The following MATCAP2 variants were observed in gnomAD, a reference collection of about 807,000 sequenced individuals.
MATCAP2 encodes the protein putative tyrosine carboxypeptidase MATCAP2.
At chr7:36,380,714 T>C in the MATCAP2 span, among the ~76,000 whole-genome samples, 12 of 152,208 alleles carry the variant, frequency 7.9e-5, no homozygotes, top group African/African-American at 2.9e-4. Context: ...TTAGGTGATC[T>C]ATAAATTCTC....
At chr7:36,377,850 T>A in the MATCAP2 span, among the ~76,000 whole-genome samples, 3 of 152,226 alleles carry the variant, frequency 2.0e-5, no homozygotes, top group Admixed American at 2.0e-4. Context: ...TTTCATTCAT[T>A]TGATCTTCAA....
At chr7:36,326,821 T>G in the MATCAP2 span, 1 of 1,614,162 alleles carries the variant, frequency 6.2e-7, no homozygotes, top group Non-Finnish European at 8.5e-7. Flanking sequence ...CTTCTCTAAG[T>G]GTTCCATATA....
the MATCAP2 span, among the ~76,000 whole-genome samples, chr7:36,351,486 G>C: frequency 1.3e-5 from 2 of 152,068 alleles, no homozygotes; most frequent in Non-Finnish European, 2.9e-5. Context: ...CTCTGGTGTA[G>C]GGAAAAAGGG....
At chr7:36,378,555 G>C in the MATCAP2 span, among the ~76,000 whole-genome samples, 1 of 152,234 alleles carries the variant, frequency 6.6e-6, no homozygotes, top group Non-Finnish European at 1.5e-5. Flanking sequence ...ATGGGGTTCA[G>C]GGACCCACTT....
the MATCAP2 span, among the ~76,000 whole-genome samples, chr7:36,386,069 C>T: frequency 2.6e-5 from 4 of 151,388 alleles, no homozygotes; most frequent in African/African-American, 9.7e-5. Context: ...GCAGGAGAAT[C>T]GCTTGAACCC....
At chr7:36,339,803 A>G in the MATCAP2 span, among the ~76,000 whole-genome samples, 1 of 152,214 alleles carries the variant, frequency 6.6e-6, no homozygotes, top group Non-Finnish European at 1.5e-5. Context: ...ATGGTTAAAA[A>G]TTATCTCTAA....
At chr7:36,326,763 T>C in the MATCAP2 span, 9 of 1,612,636 alleles carry the variant, frequency 5.6e-6, no homozygotes, top group African/African-American at 2.7e-5. Context: ...CTAATTACTA[T>C]ATAAGATCTT....
the MATCAP2 span, among the ~76,000 whole-genome samples, chr7:36,341,858 T>C: frequency 1.3e-5 from 2 of 152,214 alleles, no homozygotes; most frequent in Non-Finnish European, 2.9e-5. Flanking sequence ...TGCCTTGATT[T>C]TGGACTTCCC....
the MATCAP2 span, among the ~76,000 whole-genome samples, chr7:36,336,721 T>A: frequency 7.8e-4 from 118 of 151,604 alleles, no homozygotes; most frequent in East Asian, 8.3e-3. Context: ...AAAAAAAAAA[T>A]TTCAGAATTT....
At chr7:36,382,012 G>T in the MATCAP2 span, among the ~76,000 whole-genome samples, 1 of 152,120 alleles carries the variant, frequency 6.6e-6, no homozygotes, top group South Asian at 2.1e-4. Context: ...AAGATTTGTG[G>T]CTGGGCGCTT....
the MATCAP2 span, among the ~76,000 whole-genome samples, chr7:36,336,575 A>G: frequency 6.6e-5 from 10 of 152,210 alleles, no homozygotes; most frequent in Admixed American, 2.6e-4. Context: ...CTCAAGTGCT[A>G]ACATCTGATA....
At chr7:36,342,792 T>A in the MATCAP2 span, among the ~76,000 whole-genome samples, 1 of 152,150 alleles carries the variant, frequency 6.6e-6, no homozygotes, top group Non-Finnish European at 1.5e-5. Flanking sequence ...GCCCATCTAA[T>A]TTTTTTGTAT....
the MATCAP2 span, among the ~76,000 whole-genome samples, chr7:36,378,360 G>A: frequency 6.6e-6 from 1 of 152,196 alleles, no homozygotes; most frequent in Non-Finnish European, 1.5e-5. Context: ...GTTGGAGTTT[G>A]CTGGAGGTCC....
the MATCAP2 span, among the ~76,000 whole-genome samples, chr7:36,328,239 T>TG: frequency 0.034 from 861 of 25,154 alleles, 80 homozygotes; most frequent in African/African-American, 0.052. Context: ...TTTGTTTTTG[T>TG]AGGGGGGGGG....
the MATCAP2 span, among the ~76,000 whole-genome samples, chr7:36,373,188 G>A: frequency 6.6e-6 from 1 of 151,922 alleles, no homozygotes. Flanking sequence ...GGGATGCTGG[G>A]GTAAGTAAAT....
the MATCAP2 span, among the ~76,000 whole-genome samples, chr7:36,359,284 G>A: frequency 6.6e-6 from 1 of 152,190 alleles, no homozygotes; most frequent in African/African-American, 2.4e-5. Flanking sequence ...GTAAAGGCCA[G>A]GGATGCTGCT....
chr7:36,360,731 A>G, the MATCAP2 span, among the ~76,000 whole-genome samples: 1 of 152,202 alleles, frequency 6.6e-6, no homozygotes, highest in African/African-American at 2.4e-5. Flanking sequence ...TGAAAAAAAG[A>G]CTTTTGAACA....
the MATCAP2 span, among the ~76,000 whole-genome samples, chr7:36,327,711 C>T: frequency 1.3e-5 from 2 of 152,210 alleles, no homozygotes; most frequent in African/African-American, 2.4e-5. Flanking sequence ...GGAGCACCCA[C>T]GTGATGCTCA....
At chr7:36,355,198 A>T in the MATCAP2 span, 2 of 152,244 alleles carry the variant, frequency 1.3e-5, no homozygotes, top group Non-Finnish European at 2.9e-5. Flanking sequence ...AATAAAAATA[A>T]CAGCTAACCT....
Sources: gnomAD v4.1 joint callset for allele counts (sites outside exome capture counted in the v4.1 genomes callset) on GRCh38, gnomAD v4.1.1 for gene constraint, MANE v1.5 for transcripts, NCBI Gene and HGNC (gene_info 2026-07-23, HGNC 2026-07-21) for gene names.